The following EFCAB6 variants were observed in gnomAD, a reference collection of about 807,000 sequenced individuals.
EFCAB6 encodes EF-hand calcium binding domain 6.
In EFCAB6, 156 loss-of-function variants were observed where a neutral mutation model predicts 169.8. That is an observed-to-expected ratio of 0.92 (90% CI 0.81 to 1.05). The LOEUF is 1.05. Ranked by LOEUF, EFCAB6 falls within the 50% of genes least tolerant of loss-of-function variation. The pLI is 0.00. For synonymous variants in EFCAB6, 698 were observed against 676.4 expected, an observed-to-expected ratio of 1.03 and a Z score of -0.50; for missense variants, 1,800 against 1,829.1, an observed-to-expected ratio of 0.98 and a Z score of 0.29.
At chr22:43,531,848 C>T (rs1387400721) in intron 30 of EFCAB6, among the ~76,000 whole-genome samples, 1 of 152,204 alleles carries the variant, frequency 6.6e-6, no homozygotes, top group African/African-American at 2.4e-5. Context: ...CGGCCAGAGC[C>T]CCCACCTCTG....
chr22:43,635,815 A>G (rs1372847177), intron 17 of EFCAB6, among the ~76,000 whole-genome samples: 1 of 152,152 alleles, frequency 6.6e-6, no homozygotes, highest in Non-Finnish European at 1.5e-5. Flanking sequence ...TGTTGGGGGC[A>G]GAGGGAGCAC....
chr22:43,719,188 T>C (rs1374984693), intron 8 of EFCAB6, among the ~76,000 whole-genome samples: 1 of 152,214 alleles, frequency 6.6e-6, no homozygotes, highest in African/African-American at 2.4e-5. Flanking sequence ...CAGCACTCGG[T>C]ACGGTGTATT....
intron 17 of EFCAB6, among the ~76,000 whole-genome samples, chr22:43,658,675 G>A (rs2056864522): frequency 6.6e-6 from 1 of 152,232 alleles, no homozygotes; most frequent in South Asian, 2.1e-4. Flanking sequence ...TCGGGGCACA[G>A]CTGGATGCCA....
chr22:43,689,504 T>C (rs2058329765), intron 10 of EFCAB6, among the ~76,000 whole-genome samples: 4 of 152,106 alleles, frequency 2.6e-5, no homozygotes, highest in Non-Finnish European at 5.9e-5. Flanking sequence ...TCAGCGGGGC[T>C]AGAGATGCAT....
intron 26 of EFCAB6, among the ~76,000 whole-genome samples, chr22:43,573,489 TG>T (rs2050027379): frequency 6.6e-6 from 1 of 152,070 alleles, no homozygotes; most frequent in Admixed American, 6.6e-5. Flanking sequence ...CCCAGCACTT[TG>T]GGAGGCCGAG....
intron 17 of EFCAB6, among the ~76,000 whole-genome samples, chr22:43,645,757 G>T (rs1266232485): frequency 6.6e-6 from 1 of 151,938 alleles, no homozygotes; most frequent in Non-Finnish European, 1.5e-5. Context: ...TTCTTAGAGT[G>T]TTTTACTATA....
At chr22:43,625,537 C>T (rs1315401173) in intron 20 of EFCAB6, among the ~76,000 whole-genome samples, 4 of 152,168 alleles carry the variant, frequency 2.6e-5, no homozygotes, top group Non-Finnish European at 4.4e-5. Context: ...CCCCATTGTG[C>T]CTTCAAGGAG....
chr22:43,777,914 C>A (rs1359790216), intron 3 of EFCAB6, among the ~76,000 whole-genome samples: 1 of 152,188 alleles, frequency 6.6e-6, no homozygotes, highest in Non-Finnish European at 1.5e-5. Context: ...TTGATGGAAT[C>A]TTTCTGGAGG....
intron 11 of EFCAB6, among the ~76,000 whole-genome samples, chr22:43,686,840 G>A (rs1002494834): frequency 1.3e-5 from 2 of 152,072 alleles, no homozygotes; most frequent in Non-Finnish European, 2.9e-5. Context: ...TACAGGATAC[G>A]CATCAACATA....
In EFCAB6 at chr22:43,735,858, T is replaced by A; in HGVS notation, c.643A>T (p.Lys215Ter). 6.2e-7 allele frequency: 1 copy of A among 1,611,694 alleles called. No homozygotes were observed. Among genetic ancestry groups the A allele is most frequent in the South Asian group, 1.1e-5 (1 of 90,260 alleles). Residue 215 changes from lysine to a stop codon, truncating the protein, a stop_gained and splice_region_variant, in exon 7 of 32, where the codon AAG becomes TAG. Transcript: ENST00000262726. LOFTEE classifies it high-confidence loss of function. ...CMKLRDEEYE[K>*]FSKHYNIHKD... is the part of the protein sequence containing the mutation. The stretch of plus-strand genomic sequence containing the variant: ...CTCACCGTGCCTTCATTTGCTTACT[T>A]TTCGTATTCCTCGTCTCTTAACTTC...
intron 27 of EFCAB6, among the ~76,000 whole-genome samples, chr22:43,544,157 T>C (rs1229742857): frequency 6.6e-6 from 1 of 152,114 alleles, no homozygotes; most frequent in Non-Finnish European, 1.5e-5. Context: ...TCTTCCCCAG[T>C]AAATGTCCCT....
intron 2 of EFCAB6, among the ~76,000 whole-genome samples, chr22:43,793,760 C>T (rs756605093): frequency 7.9e-5 from 11 of 139,496 alleles, no homozygotes; most frequent in Non-Finnish European, 1.3e-4. Context: ...CTCTATCACT[C>T]TATCTCCACG....
chr22:43,784,511 ATGTGTG>A lies in EFCAB6; in HGVS notation c.-7-2192_-7-2187del, dbSNP rs370724337. 1.1e-3 allele frequency among the ~76,000 whole-genome samples: 97 copies of A among 91,378 alleles called. 1 individual carries two copies. Among genetic ancestry groups the A allele is most frequent in the Middle Eastern group, 7.0e-3 (1 of 142 alleles). The allele number at this position is 91,378 out of a possible 152,430, so 59.9% of individuals were successfully genotyped here. A position where few individuals can be genotyped will look rare whatever the true frequency, so the allele number is the denominator to read the frequency against. ...ACCAAAAAAAAAAAAAAATATATAT[ATGTGTG>A]TGTGTGTGTGTGTGTGTGTGTGTGT... On this transcript the variant is annotated intron_variant, in intron 2 of 31. Transcript: ENST00000262726.
At chr22:43,802,413 C>T (rs375370417) in intron 2 of EFCAB6, 5 of 202,868 alleles carry the variant, frequency 2.5e-5, no homozygotes, top group African/African-American at 1.2e-4. Context: ...GCCTGTAATC[C>T]CAGCTACTCA....
intron 22 of EFCAB6, among the ~76,000 whole-genome samples, chr22:43,607,746 G>A (rs950564952): frequency 3.9e-5 from 6 of 152,170 alleles, no homozygotes; most frequent in Non-Finnish European, 7.3e-5. Context: ...CTGAGTGGAC[G>A]TACGATGTTG....
At chr22:43,777,050 A>G (rs958508947) in intron 3 of EFCAB6, among the ~76,000 whole-genome samples, 1 of 152,246 alleles carries the variant, frequency 6.6e-6, no homozygotes, top group Non-Finnish European at 1.5e-5. Flanking sequence ...GATAGGAGAC[A>G]TGATCTATCG....
chr22:43,620,244 G>A (rs542455046), intron 20 of EFCAB6, among the ~76,000 whole-genome samples: 42 of 152,274 alleles, frequency 2.8e-4, no homozygotes, highest in African/African-American at 8.7e-4. Flanking sequence ...GGGAGGTCAA[G>A]GCTGCAGTGA....
chr22:43,580,569 C>T lies in EFCAB6; in HGVS notation c.3123G>A (p.Lys1041=), dbSNP rs2050654123. Residue 1041 remains lysine, a synonymous_variant, in exon 25 of 32, where the codon AAG becomes AAA. Coordinates refer to ENST00000262726, the MANE Select transcript of EFCAB6 (RefSeq NM_022785.4). ...TGATTGGCATGCTCTCTTCTTTTTCCTTGGGCTGAGCTCCTGTTGACTTGC... is the reference window on the plus strand; with the variant it reads ...TGATTGGCATGCTCTCTTCTTTTTCTTTGGGCTGAGCTCCTGTTGACTTGC... ...ENSKSTGAQP[K]EKEESMPINF... 4 of 1,614,170 alleles carry T rather than the reference C, an allele frequency of 2.5e-6. No individual in the cohort carries two copies. In the African/African-American group the frequency reaches 5.3e-5, roughly 22 times the overall value.
intron 21 of EFCAB6, among the ~76,000 whole-genome samples, chr22:43,614,637 G>T (rs9680854): frequency 1.3e-5 from 2 of 152,098 alleles, no homozygotes; most frequent in Non-Finnish European, 2.9e-5. Flanking sequence ...GAACCTAGAG[G>T]GCTGCTCTGA....
Sources: allele counts gnomAD v4.1 joint callset (sites outside exome capture counted in the v4.1 genomes callset), GRCh38; gene constraint gnomAD v4.1.1; transcripts MANE v1.5; gene names NCBI Gene and HGNC (gene_info 2026-07-23, HGNC 2026-07-21).